Variants in EML1 observed in about 807,000 individuals in gnomAD.
EML1 encodes the protein echinoderm microtubule-associated protein-like 1.
EML1 carries 27 observed loss-of-function variants against 110.4 expected under a neutral mutation model. The ratio of observed to expected loss-of-function variants is 0.24; its 90% CI spans 0.18 to 0.34. The LOEUF is 0.34. EML1 is among the 10% of genes least tolerant of loss of function. The pLI is 1.00. For synonymous variants in EML1, 344 were observed against 385.8 expected (o/e 0.89, Z 1.27); for missense variants, 741 against 1,030.9 (o/e 0.72, Z 3.85).
At chr14:99,798,308 A>G (rs1342061118) in intron 1 of EML1, among the ~76,000 whole-genome samples, 1 of 152,048 alleles carries the variant, frequency 6.6e-6, no homozygotes, top group Non-Finnish European at 1.5e-5. Context: ...AACTTGATAC[A>G]ACTGAATGTG....
intron 16 of EML1, among the ~76,000 whole-genome samples, chr14:99,918,160 G>T (rs934643867): frequency 1.3e-5 from 2 of 152,138 alleles, no homozygotes; most frequent in African/African-American, 4.8e-5. Context: ...CTGAAGTGCA[G>T]TGGCACAATC....
chr14:99,786,803 A>C (rs1048646656), intron 1 of EML1, among the ~76,000 whole-genome samples: 1 of 152,184 alleles, frequency 6.6e-6, no homozygotes, highest in African/African-American at 2.4e-5. Context: ...CAGAGAATGA[A>C]AGGACATCAG....
chr14:99,890,842 A>G (rs990504300), intron 4 of EML1, among the ~76,000 whole-genome samples: 4 of 152,364 alleles, frequency 2.6e-5, no homozygotes, highest in African/African-American at 9.6e-5. Context: ...AGTTCTTTAA[A>G]TAATCTGTCA....
In EML1 at chr14:99,882,346, G is replaced by A. The variant is rs373523292; in HGVS notation, c.518+3727G>A. Among the ~76,000 whole-genome samples the A allele has an allele frequency of 2.6e-5, 4 of 152,190 alleles. No individual in the cohort carries two copies. In the East Asian group the frequency reaches 7.7e-4, roughly 29 times the overall value. ...TTTAGAAGCACGGTTCATGTTAGAT[G>A]TTGCTAGATTGATAAAGCATTTCAA... On this transcript the variant is annotated intron_variant, in intron 4 of 21. Coordinates refer to ENST00000262233, the MANE Select transcript of EML1 (RefSeq NM_004434.3).
At chr14:99,770,430 A>G (rs1456647936), upstream of EML1, among the ~76,000 whole-genome samples, 1 of 141,686 alleles carries the variant, frequency 7.1e-6, no homozygotes, top group East Asian at 2.1e-4. Context: ...ACCTGCATGA[A>G]GAGAGATCAT....
chr14:99,861,128 G>A lies in EML1; in HGVS notation c.251-4386G>A, dbSNP rs371698678. Among the ~76,000 whole-genome samples, 11 of 152,162 alleles carry A rather than the reference G, an allele frequency of 7.2e-5. No homozygotes were observed. In the East Asian group the frequency reaches 1.7e-3, roughly 24 times the overall value. ...CATAATGTCTGCTCTTAGAAGCAAG[G>A]CTTTCGTTACTGAAATTAAACCAAG... On this transcript the variant is annotated intron_variant, in intron 2 of 21. Coordinates refer to ENST00000262233, the MANE Select transcript of EML1 (RefSeq NM_004434.3).
chr14:99,868,113 C>G (rs975496313), intron 3 of EML1, among the ~76,000 whole-genome samples: 2 of 152,204 alleles, frequency 1.3e-5, no homozygotes, highest in East Asian at 3.9e-4. Flanking sequence ...AATATTGTAT[C>G]ACATTGATTG....
chr14:99,907,675 A>T lies in EML1; in HGVS notation c.1046A>T (p.Asn349Ile). ...AATCTCTGTGCTGTGGATGACTCCAACGACCATGTGCTCTCTGTATGGGAC... is the reference window on the plus strand; with the variant it reads ...AATCTCTGTGCTGTGGATGACTCCATCGACCATGTGCTCTCTGTATGGGAC... ...GTNLCAVDDS[N>I]DHVLSVWDWQ... Residue 349 changes from asparagine to isoleucine, a missense_variant, in exon 10 of 22, where the codon AAC becomes ATC. By Grantham distance (149) the Asn-to-Ile change is moderately radical. Around this residue, in one of 4 missense-constraint regions of EML1, gnomAD observed 388 missense variants for 605.6 expected, o/e 0.64. Coordinates refer to ENST00000262233, the MANE Select transcript of EML1 (RefSeq NM_004434.3). 6.2e-7 allele frequency: 1 copy of T among 1,614,214 alleles called. No individual in the cohort carries two copies. The highest frequency in any genetic ancestry group is 8.5e-7 in the Non-Finnish European group (1 of 1,180,028).
In EML1 at chr14:99,827,263, A is replaced by C. The variant is rs1004439372; in HGVS notation, c.68-23590A>C. 6.6e-6 allele frequency among the ~76,000 whole-genome samples: 1 copy of C among 151,988 alleles called. No homozygotes were observed. The highest frequency in any genetic ancestry group is 1.5e-5 in the Non-Finnish European group (1 of 67,996). On this transcript the variant is annotated intron_variant, in intron 1 of 21. Coordinates refer to ENST00000262233, the MANE Select transcript of EML1 (RefSeq NM_004434.3). The surrounding 1 kb of genome is among the most constrained non-coding windows in gnomAD (Gnocchi z 4.4). ...GAGGAGGATGACCACCTGAAGACAC[A>C]GGGAGAAGATGGCCAGCGAGAGAGG...
chr14:99,817,458 C>T (rs1211460010), intron 1 of EML1, among the ~76,000 whole-genome samples: 3 of 152,226 alleles, frequency 2.0e-5, no homozygotes, highest in Non-Finnish European at 2.9e-5. Context: ...AGCACAGCGA[C>T]GTGGTGCCTG....
chr14:99,881,714 C>A (rs1220838948), intron 4 of EML1, among the ~76,000 whole-genome samples: 1 of 151,722 alleles, frequency 6.6e-6, no homozygotes, highest in African/African-American at 2.4e-5. Flanking sequence ...GATTCTCCTG[C>A]CTCAGCCTCC....
At chr14:99,914,488 C>T (rs552699167) in intron 14 of EML1, 78 bp from the exon 15 acceptor site, 201 of 1,536,126 alleles carry the variant, frequency 1.3e-4, no homozygotes, top group Non-Finnish European at 1.7e-4. Flanking sequence ...CATGAAGCCT[C>T]GGTTCGTCAT....
At chr14:99,763,853 C>G (rs2057340372) in intron 1 of EML1, among the ~76,000 whole-genome samples, 1 of 152,174 alleles carries the variant, frequency 6.6e-6, no homozygotes, top group Admixed American at 6.5e-5. Context: ...AATCACCAAA[C>G]CCACCTCTGC....
intron 1 of EML1, among the ~76,000 whole-genome samples, chr14:99,836,766 A>G (rs1220354508): frequency 6.6e-6 from 1 of 152,046 alleles, no homozygotes; most frequent in Non-Finnish European, 1.5e-5. Context: ...TCCTATAAAT[A>G]TTTCGAGCTT....
chr14:99,883,492 C>A (rs919272423), intron 4 of EML1: 1 of 149,912 alleles, frequency 6.7e-6, no homozygotes, highest in African/African-American at 2.5e-5. Context: ...GATCATACCA[C>A]TGTACTCCGG....
intron 9 of EML1, among the ~76,000 whole-genome samples, chr14:99,904,046 G>C (rs1299972621): frequency 6.6e-6 from 1 of 152,150 alleles, no homozygotes; most frequent in African/African-American, 2.4e-5. Context: ...GCCTCCCAAA[G>C]TGCTGGGGTT....
chr14:99,801,486 G>A (rs2057879031), intron 1 of EML1, among the ~76,000 whole-genome samples: 1 of 152,066 alleles, frequency 6.6e-6, no homozygotes, highest in Admixed American at 6.5e-5. Flanking sequence ...GTGGTGGCGG[G>A]CGCCTGTAGT....
At chr14:99,776,671 A>G (rs1439381945) in intron 1 of EML1, among the ~76,000 whole-genome samples, 1 of 152,228 alleles carries the variant, frequency 6.6e-6, no homozygotes, top group Non-Finnish European at 1.5e-5. Flanking sequence ...TATATGCTAC[A>G]TAAGTGAATT....
rs140605916 is a variant in EML1, at chr14:99,888,245, C to G, written c.519-2954C>G. On this transcript the variant is annotated intron_variant, in intron 4 of 21. Transcript: ENST00000262233. ...TAGAAATCTTTCATTCTTCCTCTTA[C>G]AGTTCTTCAGTGTCGAAGGTCCACG... 6.3e-4 allele frequency among the ~76,000 whole-genome samples: 96 copies of G among 152,324 alleles called. 1 individual carries two copies. The highest frequency in any genetic ancestry group is 2.1e-3 in the African/African-American group (86 of 41,576).
Sources: gnomAD v4.1 joint callset for allele counts (sites outside exome capture counted in the v4.1 genomes callset) on GRCh38, gnomAD v4.1.1 for gene constraint, gnomAD v4.1.1 regional missense constraint, Gnocchi (gnomAD v3.1) non-coding constraint, MANE v1.5 for transcripts, NCBI Gene and HGNC (gene_info 2026-07-23, HGNC 2026-07-21) for gene names.